NAALADL2: variants seen among roughly 807,000 people sequenced by gnomAD.
The protein encoded by NAALADL2 is N-acetylated alpha-linked acidic dipeptidase like 2, also known as inactive N-acetylated-alpha-linked acidic dipeptidase-like protein 2.
In NAALADL2, 76 loss-of-function variants were observed where a neutral mutation model predicts 87.2. The ratio of observed to expected loss-of-function variants is 0.87; its 90% CI spans 0.72 to 1.05. The LOEUF (loss-of-function observed/expected upper bound fraction) is 1.05, where lower values mean the gene tolerates loss of function less well. Ranked by LOEUF, NAALADL2 falls within the 50% of genes least tolerant of loss-of-function variation. The pLI is 0.00. For missense variants in NAALADL2, 1,089 were observed against 945.8 expected, an observed-to-expected ratio of 1.15 and a Z score of -1.99; for synonymous variants, 354 against 331.0, an observed-to-expected ratio of 1.07 and a Z score of -0.75.
chr3:175,343,244 A>G (rs1762749323), intron 5 of NAALADL2, among the ~76,000 whole-genome samples: 2 of 152,046 alleles, frequency 1.3e-5, no homozygotes. Flanking sequence ...AACAAACTAT[A>G]TATAGTTATT....
intron 1 of NAALADL2, among the ~76,000 whole-genome samples, chr3:174,865,920 G>A (rs991022381): frequency 6.6e-6 from 1 of 151,774 alleles, no homozygotes; most frequent in African/African-American, 2.4e-5. Flanking sequence ...TCTCTACTTT[G>A]CTATAGGCTA....
intron 11 of NAALADL2, among the ~76,000 whole-genome samples, chr3:175,634,313 T>C (rs564375460): frequency 4.5e-4 from 69 of 151,920 alleles, no homozygotes; most frequent in African/African-American, 1.5e-3. Flanking sequence ...AAAATATAAA[T>C]CTGAATTATT....
intron 9 of NAALADL2, among the ~76,000 whole-genome samples, chr3:175,507,086 T>C (rs1730436698): frequency 6.6e-6 from 1 of 151,580 alleles, no homozygotes; most frequent in East Asian, 1.9e-4. Context: ...AAATGGACAA[T>C]ATTTTTTCCT....
chr3:174,569,089 C>A (rs913322287), intron 2 of NAALADL2, among the ~76,000 whole-genome samples: 1 of 151,374 alleles, frequency 6.6e-6, no homozygotes, highest in East Asian at 1.9e-4. Flanking sequence ...ATATGTCGTA[C>A]TTGTTTGATC....
At position 175,722,238 on chromosome 3, in the gene NAALADL2, T is replaced by C. The variant is rs76201633; in HGVS notation, c.1897-15068T>C. Among the ~76,000 whole-genome samples the C allele has an allele frequency of 4.5e-3, 679 of 152,274 alleles. 4 individuals carry two copies. Among genetic ancestry groups the C allele is most frequent in the African/African-American group, 0.015 (637 of 41,564 alleles). On this transcript the variant is annotated intron_variant, in intron 11 of 13. Transcript: ENST00000454872. ...AGAGAAGATTTATTTCATCAGTTGC[T>C]GCCCCATAAATTTATCTAAAATGTT...
At chr3:174,839,842 TA>T (rs896400868) in intron 3 of NAALADL2, among the ~76,000 whole-genome samples, 47 of 146,940 alleles carry the variant, frequency 3.2e-4, no homozygotes, top group African/African-American at 8.9e-4. Flanking sequence ...AAAAAAATAA[TA>T]AAAAAAAATA....
chr3:174,670,747 C>G (rs935766290), intron 2 of NAALADL2, among the ~76,000 whole-genome samples: 1 of 151,948 alleles, frequency 6.6e-6, no homozygotes, highest in Non-Finnish European at 1.5e-5. Context: ...CCTTTAAAGT[C>G]ATTTTGTCCC....
intron 5 of NAALADL2, among the ~76,000 whole-genome samples, chr3:175,343,960 C>G (rs897823860): frequency 6.6e-6 from 1 of 151,920 alleles, no homozygotes; most frequent in African/African-American, 2.4e-5. Flanking sequence ...ATTCTTCCTT[C>G]TATGCAGCAA....
At chr3:175,589,195 A>G (rs1582523317) in intron 10 of NAALADL2, among the ~76,000 whole-genome samples, 2 of 152,230 alleles carry the variant, frequency 1.3e-5, no homozygotes, top group East Asian at 3.8e-4. Flanking sequence ...ACTGGTAGCC[A>G]TAGTACTTTA....
chr3:174,611,248 T>G (rs1484608171), intron 2 of NAALADL2, among the ~76,000 whole-genome samples: 1 of 151,934 alleles, frequency 6.6e-6, no homozygotes, highest in Non-Finnish European at 1.5e-5. Flanking sequence ...CACACCAGTA[T>G]GGCACATGTA....
At chr3:175,685,305 A>G (rs998798644) in intron 11 of NAALADL2, among the ~76,000 whole-genome samples, 2 of 152,136 alleles carry the variant, frequency 1.3e-5, no homozygotes, top group Non-Finnish European at 2.9e-5. Context: ...ATCTGCCAGA[A>G]TCTCCAATTT....
At chr3:174,567,022 T>C (rs1004125907) in intron 2 of NAALADL2, among the ~76,000 whole-genome samples, 41 of 151,768 alleles carry the variant, frequency 2.7e-4, no homozygotes, top group African/African-American at 9.9e-4. Flanking sequence ...AATTGAAAAA[T>C]TGGGCTTATC....
chr3:174,851,958 C>A (rs1341257831), intron 3 of NAALADL2, among the ~76,000 whole-genome samples: 1 of 152,076 alleles, frequency 6.6e-6, no homozygotes, highest in South Asian at 2.1e-4. Flanking sequence ...ATTACTTTAA[C>A]AGAATGAAGG....
intron 11 of NAALADL2, among the ~76,000 whole-genome samples, chr3:175,674,032 A>T (rs958469767): frequency 6.6e-6 from 1 of 152,102 alleles, no homozygotes. Flanking sequence ...TCCTGAAAAA[A>T]TGGAGATCCT....
intron 2 of NAALADL2, among the ~76,000 whole-genome samples, chr3:175,221,485 A>G (rs1249792696): frequency 1.3e-5 from 2 of 151,906 alleles, no homozygotes; most frequent in Non-Finnish European, 2.9e-5. Flanking sequence ...AAATTGGTCG[A>G]CTCATCTATT....
At chr3:174,943,583 C>A (rs80100100) in intron 1 of NAALADL2, among the ~76,000 whole-genome samples, 1,821 of 152,260 alleles carry the variant, frequency 0.012, 39 homozygotes, top group African/African-American at 0.042. Context: ...ACGAAGGGAC[C>A]CTAGTAGTAG....
intron 3 of NAALADL2, among the ~76,000 whole-genome samples, chr3:174,803,853 T>C (rs932472449): frequency 6.6e-6 from 1 of 152,204 alleles, no homozygotes; most frequent in African/African-American, 2.4e-5. Context: ...CCCAGTACCA[T>C]GCTGTTTTGT....
chr3:175,076,853 G>T (rs1325833806), intron 1 of NAALADL2, among the ~76,000 whole-genome samples: 2 of 152,204 alleles, frequency 1.3e-5, no homozygotes, highest in Non-Finnish European at 2.9e-5. Context: ...TATGTGCAAA[G>T]ATATTGTTCA....
At chr3:174,788,025 A>G (rs538875257) in intron 3 of NAALADL2, among the ~76,000 whole-genome samples, 1 of 152,216 alleles carries the variant, frequency 6.6e-6, no homozygotes, top group East Asian at 1.9e-4. Flanking sequence ...GAGTAGTTAG[A>G]TGGATAGTTG....
Sources: allele counts gnomAD v4.1 joint callset (sites outside exome capture counted in the v4.1 genomes callset), GRCh38; gene constraint gnomAD v4.1.1; transcripts MANE v1.5; gene names NCBI Gene and HGNC (gene_info 2026-07-23, HGNC 2026-07-21).